The following SEC23IP variants were observed in gnomAD, a reference collection of about 807,000 sequenced individuals.
The protein encoded by SEC23IP is SEC23-interacting protein.
In SEC23IP, 70 loss-of-function variants were observed where a neutral mutation model predicts 113.4. That is an observed-to-expected ratio of 0.62 (90% CI 0.51 to 0.75). The LOEUF is 0.75. Among genes scored for constraint, SEC23IP ranks in the 30% least tolerant of loss-of-function variants. The pLI, the probability that SEC23IP is intolerant of heterozygous loss-of-function variation, is 0.00. For missense variants in SEC23IP, 1,160 were observed against 1,204.9 expected, an observed-to-expected ratio of 0.96 and a Z score of 0.55; for synonymous variants, 398 against 421.0, an observed-to-expected ratio of 0.95 and a Z score of 0.67.
chr10:119,902,928 TG>T lies in SEC23IP; in HGVS notation c.827del (p.Cys276SerfsTer4). 5.6e-6 allele frequency: 9 copies of T among 1,614,220 alleles called. No homozygotes were observed. The highest frequency in any genetic ancestry group is 7.6e-6 in the Non-Finnish European group (9 of 1,180,038). ...YEPVQPHWFY[C>X]KEVEYKQLWM... Reference sequence around the variant, plus strand: ...GCCTGTTCAGCCCCACTGGTTTTACTGCAAGGAGGTAGAATACAAACAACTG... The same window carrying T: ...GCCTGTTCAGCCCCACTGGTTTTACTCAAGGAGGTAGAATACAAACAACTG... On this transcript the variant is annotated frameshift_variant, in exon 3 of 19. Transcript: ENST00000369075. LOFTEE classifies it high-confidence loss of function.
chr10:119,933,834 T>A, intron 18 of SEC23IP, 47 bp downstream of exon 18: 1 of 982,614 alleles, frequency 1.0e-6, no homozygotes, highest in Non-Finnish European at 1.6e-6. Context: ...GTTTGCATTC[T>A]CAAATCTGTT....
rs1324154794 is a variant in SEC23IP, at chr10:119,910,132, G to T, written c.1191+1002G>T. On this transcript the variant is annotated intron_variant, in intron 5 of 18. Coordinates refer to ENST00000369075, the MANE Select transcript of SEC23IP (RefSeq NM_007190.4). The stretch of plus-strand genomic sequence containing the variant: ...CCAGAGACAATGTGTAAACCAATGG[G>T]TATGATATTTTCAATGAATCTTTAT... Among the ~76,000 whole-genome samples, 48 of 152,152 alleles carry T rather than the reference G, an allele frequency of 3.2e-4. 2 individuals carry two copies. Among genetic ancestry groups the T allele is most frequent in the Admixed American group, 3.1e-3 (48 of 15,276 alleles).
chr10:119,908,653 A>G (rs1189737950), intron 4 of SEC23IP, among the ~76,000 whole-genome samples: 1 of 152,178 alleles, frequency 6.6e-6, no homozygotes, highest in Non-Finnish European at 1.5e-5. Flanking sequence ...GGGAAGGAGG[A>G]TTTCTTTATA....
chr10:119,928,776 G>A (rs1245151671), intron 13 of SEC23IP, among the ~76,000 whole-genome samples: 2 of 152,236 alleles, frequency 1.3e-5, no homozygotes, highest in African/African-American at 4.8e-5. Context: ...TCTTGAGAGA[G>A]GCTACATGTA....
At chr10:119,925,430 CT>C (rs1209325403) in intron 12 of SEC23IP, among the ~76,000 whole-genome samples, 1 of 152,140 alleles carries the variant, frequency 6.6e-6, no homozygotes, top group Non-Finnish European at 1.5e-5. Flanking sequence ...TCTTGCTATA[CT>C]TTCTTTGCTT....
At chr10:119,922,703 A>G (rs1245937895) in intron 12 of SEC23IP, among the ~76,000 whole-genome samples, 1 of 152,196 alleles carries the variant, frequency 6.6e-6, no homozygotes, top group Non-Finnish European at 1.5e-5. Flanking sequence ...GACATAGACA[A>G]GCAGTATTTG....
Position 119,892,730 on chromosome 10 carries a change from A to G in SEC23IP, c.-53A>G. On this transcript the variant is annotated 5_prime_UTR_variant, in exon 1 of 19. Transcript: ENST00000369075. Reference sequence around the variant, plus strand: ...CCAGGAGCGTGATCGGTTTCCGGTCAGTGGTGTGGTACCGGGTACCCGGAG... The same window carrying G: ...CCAGGAGCGTGATCGGTTTCCGGTCGGTGGTGTGGTACCGGGTACCCGGAG... 1.3e-6 allele frequency: 2 copies of G among 1,534,056 alleles called. No individual in the cohort carries two copies. Among genetic ancestry groups the G allele is most frequent in the African/African-American group, 1.4e-5 (1 of 73,134 alleles).
Position 119,944,145 on chromosome 10 carries a change from A to C in SEC23IP, c.*3580A>C, listed in dbSNP as rs1303767417. On this transcript the variant is annotated 3_prime_UTR_variant, in exon 19 of 19. Transcript: ENST00000369075. Reference sequence around the variant, plus strand: ...CGTGTCAGGGGAGGGACCTGGTGGGAGGTGATTGGATCATGGGGGCTGTTT... The same window carrying C: ...CGTGTCAGGGGAGGGACCTGGTGGGCGGTGATTGGATCATGGGGGCTGTTT... 2.0e-5 allele frequency: 3 copies of C among 151,832 alleles called. No homozygotes were observed. Among genetic ancestry groups the C allele is most frequent in the African/African-American group, 7.3e-5 (3 of 41,288 alleles). The allele number at this position is 151,832 out of a possible 1,614,324, so 9.4% of individuals were successfully genotyped here.
intron 18 of SEC23IP, among the ~76,000 whole-genome samples, chr10:119,937,853 T>TA (rs1212453171): frequency 1.3e-5 from 2 of 152,210 alleles, no homozygotes. Context: ...ATTTTTATCA[T>TA]ATGCCAAATA....
Position 119,898,728 on chromosome 10 carries a change from T to A in SEC23IP, c.465T>A (p.Tyr155Ter). 1 of 1,614,260 alleles carries A rather than the reference T, an allele frequency of 6.2e-7. No individual in the cohort carries two copies. The highest frequency in any genetic ancestry group is 8.5e-7 in the Non-Finnish European group (1 of 1,180,050). Reference sequence around the variant, plus strand: ...CCTCACTGATGGGAATAAATTCTTATCTGCCTTCTCAGCCAAGTAGTCTCC... The same window carrying A: ...CCTCACTGATGGGAATAAATTCTTAACTGCCTTCTCAGCCAAGTAGTCTCC... ...PPSSLMGINS[Y>*]LPSQPSSLPP... The change falls in exon 2 of 19, where the codon TAT becomes TAA. Residue 155 changes from tyrosine to a stop codon, truncating the protein, a stop_gained. Transcript: ENST00000369075. LOFTEE classifies it high-confidence loss of function.
At chr10:119,939,734 C>T (rs1339538893) in intron 18 of SEC23IP, among the ~76,000 whole-genome samples, 9 of 152,078 alleles carry the variant, frequency 5.9e-5, no homozygotes, top group Non-Finnish European at 1.2e-4. Flanking sequence ...ACTCTGTCAC[C>T]CAGCTTGTGT....
In SEC23IP at chr10:119,902,875, C is replaced by T; in HGVS notation, c.773C>T (p.Ser258Phe). Residue 258 changes from serine to phenylalanine, a missense_variant, in exon 3 of 19, where the codon TCT (serine) becomes TTT (phenylalanine). Transcript: ENST00000369075. ...GGGGCTCCCTCTGTTCAAGTGCCAT[C>T]TCCTTTTCTACTTCAAAACCAATAT... is the stretch of plus-strand genomic sequence containing the variant. ...RPGAPSVQVP[S>F]PFLLQNQYEP... 1.2e-6 allele frequency: 2 copies of T among 1,614,212 alleles called. No homozygotes were observed. The highest frequency in any genetic ancestry group is 1.7e-6 in the Non-Finnish European group (2 of 1,180,026).
rs575352023 is a variant in SEC23IP at position 119,899,033 on chromosome 10, A to G, written c.696+74A>G. 7 of 1,224,598 alleles carry G rather than the reference A, an allele frequency of 5.7e-6. No individual in the cohort carries two copies. In the South Asian group the frequency reaches 7.3e-5, roughly 13 times the overall value. 75.9% of individuals were successfully genotyped at this position (1,224,598 alleles called of 1,614,324 possible). A position where few individuals can be genotyped will look rare whatever the true frequency, so the allele number is the denominator to read the frequency against. ...TCTCACCTGAACCTATGTTTTAAAA[A>G]ACATTTCACATCTTATAATCAATAT... is the stretch of plus-strand genomic sequence containing the variant. On this transcript the variant is annotated intron_variant, in intron 2 of 18. Transcript: ENST00000369075.
chr10:119,912,260 GC>G (rs1854889159), intron 6 of SEC23IP, 96 bp downstream of exon 6: 1 of 1,297,992 alleles, frequency 7.7e-7, no homozygotes, highest in Admixed American at 2.2e-5. Flanking sequence ...TTATTAGAAT[GC>G]CCTGCCACAG....
intron 18 of SEC23IP, among the ~76,000 whole-genome samples, chr10:119,937,329 A>G (rs1855826180): frequency 6.6e-6 from 1 of 152,044 alleles, no homozygotes; most frequent in Non-Finnish European, 1.5e-5. Flanking sequence ...CATGTTTTAA[A>G]AATACGTAGC....
Position 119,919,471 on chromosome 10 carries a change from G to A in SEC23IP, c.1900G>A (p.Asp634Asn). The A allele has an allele frequency of 8.1e-6, 13 of 1,605,524 alleles. No homozygotes were observed. Among genetic ancestry groups the A allele is most frequent in the Non-Finnish European group, 1.1e-5 (13 of 1,177,914 alleles). Residue 634 changes from aspartate to asparagine, a missense_variant, in exon 11 of 19, where the codon GAT becomes AAT. Physicochemically the swap from Asp to Asn is conservative, Grantham distance 23. Transcript: ENST00000369075. ...QMPEEPKLTL[D>N]ESYDLVVENK... ...GCCTGAAGAGCCAAAGCTGACTTTG[G>A]ATGAGTCGTATGACCTTGTTGTTGA...
chr10:119,928,031 A>G (rs980033235), intron 13 of SEC23IP, among the ~76,000 whole-genome samples: 9 of 152,192 alleles, frequency 5.9e-5, no homozygotes, highest in African/African-American at 2.2e-4. Context: ...CACTTTGACA[A>G]CGCTATTGTA....
At chr10:119,934,218 A>G (rs1432717863) in intron 18 of SEC23IP, among the ~76,000 whole-genome samples, 4 of 152,184 alleles carry the variant, frequency 2.6e-5, no homozygotes, top group Non-Finnish European at 5.9e-5. Flanking sequence ...GCTGCCTCAT[A>G]GTTATAAGGT....
chr10:119,898,570 A>G lies in SEC23IP; in HGVS notation c.307A>G (p.Thr103Ala). 6.2e-7 allele frequency: 1 copy of G among 1,614,188 alleles called. No homozygotes were observed. Among genetic ancestry groups the G allele is most frequent in the Non-Finnish European group, 8.5e-7 (1 of 1,180,028 alleles). ...GAATATTGGACAGTCACCATTAACA[A>G]CTGCAGCAACCTCAGTTGGACAATC... ...FGNIGQSPLT[T>A]AATSVGQSGF... The change falls in exon 2 of 19, where the codon ACT becomes GCT. Residue 103 changes from threonine (T) to alanine (A), a missense_variant. Coordinates refer to ENST00000369075, the MANE Select transcript of SEC23IP (RefSeq NM_007190.4).
Sources: allele counts gnomAD v4.1 joint callset (sites outside exome capture counted in the v4.1 genomes callset), GRCh38; gene constraint gnomAD v4.1.1; transcripts MANE v1.5; gene names NCBI Gene and HGNC (gene_info 2026-07-23, HGNC 2026-07-21).